Variants in MMD observed in about 807,000 individuals in gnomAD.
MMD encodes monocyte to macrophage differentiation factor.
MMD carries 22 observed loss-of-function variants against 33.6 expected under a neutral mutation model. The observed-to-expected ratio is 0.66, with a 90% CI of 0.47 to 0.94. The LOEUF (loss-of-function observed/expected upper bound fraction) is 0.94. MMD is among the 40% of genes least tolerant of loss of function. The probability of loss-of-function intolerance (pLI) is 0.00; values close to 1 mark genes in which losing one functional copy is unlikely to be tolerated. For synonymous variants in MMD, 97 were observed against 103.2 expected (o/e 0.94, Z 0.36); for missense variants, 242 against 309.8 (o/e 0.78, Z 1.64).
chr17:55,412,502 A>G (rs928250933), intron 2 of MMD, among the ~76,000 whole-genome samples: 2 of 152,252 alleles, frequency 1.3e-5, no homozygotes, highest in East Asian at 3.8e-4. Context: ...ACTAGTAAAC[A>G]TCTTACAATG....
At chr17:55,411,786 T>C (rs1424671522) in intron 2 of MMD, among the ~76,000 whole-genome samples, 1 of 152,118 alleles carries the variant, frequency 6.6e-6, no homozygotes, top group Admixed American at 6.5e-5. Flanking sequence ...AATATTCAAA[T>C]GCCAAGCAGG....
intron 2 of MMD, among the ~76,000 whole-genome samples, chr17:55,413,631 T>C: frequency 6.6e-6 from 1 of 152,178 alleles, no homozygotes. Context: ...AACAAAAAAT[T>C]TAGGGATCAC....
chr17:55,401,413 T>G, intron 6 of MMD, 56 bp downstream of exon 6: 1 of 1,414,166 alleles, frequency 7.1e-7, no homozygotes. Flanking sequence ...TCCATAATCA[T>G]GTTAAGTTCC....
In MMD at chr17:55,414,233, C is replaced by T. The variant is rs1386145669; in HGVS notation, c.27-1G>A. The T allele has an allele frequency of 1.1e-5, 18 of 1,613,464 alleles. No individual in the cohort carries two copies. Among genetic ancestry groups the T allele is most frequent in the Non-Finnish European group, 1.4e-5 (17 of 1,179,712 alleles). ...GGCTGGAGCTCGATGGTTCATGAAC[C>T]TGTAAAAACAAAAAGAACACATGTA... is the stretch of plus-strand genomic sequence containing the variant. On this transcript the variant is annotated splice_acceptor_variant, in intron 1 of 6. Coordinates refer to ENST00000262065, the MANE Select transcript of MMD (RefSeq NM_012329.3). LOFTEE classifies it high-confidence loss of function.
At chr17:55,404,147 G>T (rs1260787940) in intron 4 of MMD, among the ~76,000 whole-genome samples, 1 of 152,166 alleles carries the variant, frequency 6.6e-6, no homozygotes, top group East Asian at 1.9e-4. Context: ...TTGAGGTCAG[G>T]AGTTCAAGAT....
rs561752827 is a variant in MMD at position 55,421,307 on chromosome 17, G to A, written c.26+363C>T. Among the ~76,000 whole-genome samples the A allele has an allele frequency of 2.3e-3, 354 of 152,384 alleles. 1 individual carries two copies. The highest frequency in any genetic ancestry group is 8.4e-3 in the African/African-American group (348 of 41,596). On this transcript the variant is annotated intron_variant, in intron 1 of 6. Coordinates refer to ENST00000262065, the MANE Select transcript of MMD (RefSeq NM_012329.3). ...GGAGGACTCGGGGGCGGTGCCCGGG[G>A]CTGGGGTTCGGGTTCCCAGAGAGAG...
At position 55,411,385 on chromosome 17, in the gene MMD, G is replaced by A. The variant is rs773215089; in HGVS notation, c.141C>T (p.Ala47=). 3.7e-6 allele frequency: 6 copies of A among 1,614,008 alleles called. No homozygotes were observed. The highest frequency in any genetic ancestry group is 3.3e-5 in the Admixed American group (2 of 59,966). ...AGTCATCAGACAGCCGATGGAGGAG[G>A]GCACTGCCCACGATGGCCGGAACAA... is the stretch of plus-strand genomic sequence containing the variant. ...FLIVPAIVGS[A]LLHRLSDDCW... Residue 47 remains alanine, a synonymous_variant, in exon 3 of 7, where the codon GCC becomes GCT. Coordinates refer to ENST00000262065, the MANE Select transcript of MMD (RefSeq NM_012329.3).
chr17:55,414,010 G>A (rs979402673), intron 2 of MMD, 141 bp downstream of exon 2: 6 of 743,058 alleles, frequency 8.1e-6, no homozygotes, highest in South Asian at 4.9e-5. Context: ...CTGGTGACAC[G>A]ACCCAGAACT....
chr17:55,421,622 A>G lies in MMD; in HGVS notation c.26+48T>C, dbSNP rs187876618. 2,506 of 1,589,434 alleles carry G rather than the reference A, an allele frequency of 1.6e-3. 50 individuals carry two copies. The African/African-American group carries it at 0.031, about 19-fold the overall frequency. The stretch of plus-strand genomic sequence containing the variant: ...CGTGCGCTTAACGGCGGGATTTGGG[A>G]ACCCGCTTCTGACACGGGCAGCGGG... On this transcript the variant is annotated intron_variant, in intron 1 of 6. Transcript: ENST00000262065.
At chr17:55,396,259 T>C (rs1907096303) in intron 6 of MMD, among the ~76,000 whole-genome samples, 1 of 152,206 alleles carries the variant, frequency 6.6e-6, no homozygotes, top group Admixed American at 6.5e-5. Context: ...GCACTTCATA[T>C]ATTTATTCAT....
At chr17:55,418,191 C>A (rs1908044068) in intron 1 of MMD, among the ~76,000 whole-genome samples, 1 of 152,220 alleles carries the variant, frequency 6.6e-6, no homozygotes, top group African/African-American at 2.4e-5. Flanking sequence ...CAACCCTCCC[C>A]ATCCAACCAG....
chr17:55,415,145 C>G (rs1567851708), intron 1 of MMD, among the ~76,000 whole-genome samples: 1 of 152,054 alleles, frequency 6.6e-6, no homozygotes, highest in Non-Finnish European at 1.5e-5. Context: ...ACCAAAAACC[C>G]AACCCATACC....
chr17:55,396,762 G>A (rs147641603), intron 6 of MMD, among the ~76,000 whole-genome samples: 27 of 152,018 alleles, frequency 1.8e-4, no homozygotes, highest in Admixed American at 1.0e-3. Flanking sequence ...GATTACAGGC[G>A]TGTGCCACCA....
At chr17:55,402,087 CA>C (rs55724383) in intron 5 of MMD, among the ~76,000 whole-genome samples, 36,943 of 90,914 alleles carry the variant, frequency 0.41, 3,994 homozygotes, top group South Asian at 0.45. Flanking sequence ...GACTCAGTCT[CA>C]AAAAAAAAAA....
intron 6 of MMD, among the ~76,000 whole-genome samples, chr17:55,395,998 G>C (rs1907084596): frequency 6.6e-6 from 1 of 152,240 alleles, no homozygotes; most frequent in South Asian, 2.1e-4. Flanking sequence ...GCAGTGAAGT[G>C]GCCTGAACAA....
In MMD at chr17:55,394,462, T is replaced by A; in HGVS notation, c.589A>T (p.Ser197Cys). 7 of 1,548,186 alleles carry A rather than the reference T, an allele frequency of 4.5e-6. No individual in the cohort carries two copies. Among genetic ancestry groups the A allele is most frequent in the Non-Finnish European group, 6.1e-6 (7 of 1,151,566 alleles). ...IYCLGVVFFK[S>C]DGIIPFAHAI... is the part of the protein sequence containing the mutation. Reference sequence around the variant, plus strand: ...TGGGCAAATGGAATGATGCCATCACTCTTGAAGAACACAACTCCCAAGCAA... The same window carrying A: ...TGGGCAAATGGAATGATGCCATCACACTTGAAGAACACAACTCCCAAGCAA... The change falls in exon 7 of 7, where the codon AGT (serine) becomes TGT (cysteine). Residue 197 changes from serine to cysteine, a missense_variant. Ser to Cys is a moderately radical substitution (Grantham distance 112, BLOSUM62 -1). Transcript: ENST00000262065.
chr17:55,418,463 A>C (rs1261679330), intron 1 of MMD, among the ~76,000 whole-genome samples: 2 of 152,232 alleles, frequency 1.3e-5, no homozygotes, highest in African/African-American at 4.8e-5. Context: ...AGGTTCTGTA[A>C]GTAAGAGAAA....
intron 3 of MMD, among the ~76,000 whole-genome samples, chr17:55,409,367 G>A (rs1431832513): frequency 6.6e-6 from 1 of 152,098 alleles, no homozygotes; most frequent in Non-Finnish European, 1.5e-5. Context: ...CAAGGTTTTG[G>A]GCCTTTCTAA....
chr17:55,412,212 T>A (rs7219073), intron 2 of MMD, among the ~76,000 whole-genome samples: 2,877 of 152,334 alleles, frequency 0.019, 46 homozygotes, highest in Non-Finnish European at 0.029. Context: ...ATAATGTACA[T>A]AGCAACACAC....
Sources: allele counts gnomAD v4.1 joint callset (sites outside exome capture counted in the v4.1 genomes callset), GRCh38; gene constraint gnomAD v4.1.1; transcripts MANE v1.5; gene names NCBI Gene and HGNC (gene_info 2026-07-23, HGNC 2026-07-21).